Variants in DNAAF11 observed in about 807,000 individuals in gnomAD.
The protein encoded by DNAAF11 is dynein axonemal assembly factor 11, also known as leucine rich repeat containing 6.
DNAAF11 carries 45 observed loss-of-function variants against 60.8 expected under a neutral mutation model. The observed-to-expected ratio is 0.74, with a 90% CI of 0.58 to 0.95. The LOEUF is 0.95. Among genes scored for constraint, DNAAF11 ranks in the 40% least tolerant of loss-of-function variants. The pLI, the probability that DNAAF11 is intolerant of heterozygous loss-of-function variation, is 0.00. For synonymous variants in DNAAF11, 191 were observed against 183.5 expected (o/e 1.04, Z -0.33); for missense variants, 546 against 546.2 (o/e 1.00, Z 0.00).
chr8:132,604,977 TAATA>T (rs1817993959), intron 10 of DNAAF11, among the ~76,000 whole-genome samples: 2 of 152,114 alleles, frequency 1.3e-5, no homozygotes, highest in East Asian at 3.8e-4. Flanking sequence ...AATGCAATCT[TAATA>T]ATTATAAAAT....
chr8:132,650,578 T>C (rs1822904843), intron 3 of DNAAF11, among the ~76,000 whole-genome samples: 1 of 152,214 alleles, frequency 6.6e-6, no homozygotes, highest in Non-Finnish European at 1.5e-5. Flanking sequence ...TGTTAAATTA[T>C]AAAAATGTAG....
At chr8:132,692,625 A>G in the DNAAF11 span, among the ~76,000 whole-genome samples, 11 of 152,172 alleles carry the variant, frequency 7.2e-5, no homozygotes, top group Non-Finnish European at 1.0e-4. Context: ...GGCAGCCAAA[A>G]TCCAGCTCTG....
At chr8:132,688,103 G>A in the DNAAF11 span, among the ~76,000 whole-genome samples, 14 of 152,026 alleles carry the variant, frequency 9.2e-5, no homozygotes, top group Admixed American at 2.6e-4. Context: ...CAAATGCTGC[G>A]ATAACAGCAT....
intron 10 of DNAAF11, among the ~76,000 whole-genome samples, chr8:132,587,616 G>A (rs1222183072): frequency 6.6e-6 from 1 of 152,122 alleles, no homozygotes; most frequent in Non-Finnish European, 1.5e-5. Context: ...ATTCATTTGT[G>A]CTAAATGTGT....
chr8:132,604,660 A>T (rs2129814415), intron 10 of DNAAF11, among the ~76,000 whole-genome samples: 1 of 152,298 alleles, frequency 6.6e-6, no homozygotes, highest in South Asian at 2.1e-4. Flanking sequence ...CCGGATGATG[A>T]TGAAAAGATT....
upstream of DNAAF11, among the ~76,000 whole-genome samples, chr8:132,678,771 T>C (rs1563732123): frequency 6.9e-6 from 1 of 145,238 alleles, no homozygotes; most frequent in South Asian, 2.1e-4. Flanking sequence ...TTATAATTTA[T>C]TAATATTTAT....
chr8:132,653,589 CA>C (rs1254089086), intron 3 of DNAAF11, among the ~76,000 whole-genome samples: 2 of 151,944 alleles, frequency 1.3e-5, no homozygotes, highest in African/African-American at 4.8e-5. Flanking sequence ...CAAATAGGCA[CA>C]TATTATATAA....
At chr8:132,676,420 T>C (rs1424808328), upstream of DNAAF11, among the ~76,000 whole-genome samples, 3 of 152,208 alleles carry the variant, frequency 2.0e-5, no homozygotes. Context: ...TATTATTCTT[T>C]ACTCCATTTG....
intron 3 of DNAAF11, among the ~76,000 whole-genome samples, chr8:132,648,583 G>T (rs1822648635): frequency 6.6e-6 from 1 of 152,200 alleles, no homozygotes; most frequent in African/African-American, 2.4e-5. Flanking sequence ...CCTGTGTGCA[G>T]ATGACATGAT....
intron 7 of DNAAF11, among the ~76,000 whole-genome samples, chr8:132,621,558 C>T (rs559763177): frequency 4.6e-5 from 7 of 152,150 alleles, no homozygotes; most frequent in African/African-American, 7.2e-5. Context: ...CATGGAGTTC[C>T]GAGAGTCTCC....
At chr8:132,604,801 A>T (rs556464096) in intron 10 of DNAAF11, among the ~76,000 whole-genome samples, 2 of 152,308 alleles carry the variant, frequency 1.3e-5, no homozygotes, top group East Asian at 3.9e-4. Flanking sequence ...TATAATATCT[A>T]TAAATAAACT....
At chr8:132,580,211 T>C (rs1815184504) in intron 11 of DNAAF11, among the ~76,000 whole-genome samples, 1 of 152,200 alleles carries the variant, frequency 6.6e-6, no homozygotes. Flanking sequence ...CCCTCTGGAC[T>C]TAGCAGAACA....
rs1814183716 is a variant in DNAAF11 at position 132,571,511 on chromosome 8, A to G, written c.*795T>C. Among the ~76,000 whole-genome samples the G allele has an allele frequency of 6.6e-6, 1 of 152,028 alleles. No individual in the cohort carries two copies. Among genetic ancestry groups the G allele is most frequent in the African/African-American group, 2.4e-5 (1 of 41,404 alleles). ...ATGGGGAGTAAAAAGGTGAAGAAAA[A>G]GAATAAGGGGAGAAAAGTAATTGGG... On this transcript the variant is annotated 3_prime_UTR_variant, in exon 12 of 12. Coordinates refer to ENST00000620350, the MANE Select transcript of DNAAF11 (RefSeq NM_012472.6).
rs1375672352 is a variant in DNAAF11, at chr8:132,581,883, G to A, written c.1226+1811C>T. ...GAGTCAGCACTCAATAAATCCCTTC[G>A]TTTGGAGGAATTTGTGCTTCTTCCT... On this transcript the variant is annotated intron_variant, in intron 11 of 11. Coordinates refer to ENST00000620350, the MANE Select transcript of DNAAF11 (RefSeq NM_012472.6). Among the ~76,000 whole-genome samples, 5 of 152,084 alleles carry A rather than the reference G, an allele frequency of 3.3e-5. No individual in the cohort carries two copies. In the South Asian group the frequency reaches 6.2e-4, roughly 19 times the overall value.
intron 1 of DNAAF11, among the ~76,000 whole-genome samples, chr8:132,670,195 A>G (rs532902241): frequency 6.6e-6 from 1 of 152,222 alleles, no homozygotes; most frequent in African/African-American, 2.4e-5. Context: ...AAAAATAGAG[A>G]AAAATTAATA....
At chr8:132,586,812 T>C (rs1383457730) in intron 10 of DNAAF11, among the ~76,000 whole-genome samples, 1 of 152,100 alleles carries the variant, frequency 6.6e-6, no homozygotes, top group Non-Finnish European at 1.5e-5. Context: ...CTTCTCCCTT[T>C]CCCCTCTCTT....
rs1814080917 is a variant in DNAAF11, at chr8:132,570,521, T to C, written c.*1785A>G. Among the ~76,000 whole-genome samples, 1 of 152,238 alleles carries C rather than the reference T, an allele frequency of 6.6e-6. No individual in the cohort carries two copies. The highest frequency in any genetic ancestry group is 2.4e-5 in the African/African-American group (1 of 41,458). Reference sequence around the variant, plus strand: ...TAAATACAGTCCTGACAAATGTACATGATTTCCAAGTTGGTAGAGGTTGAG... The same window carrying C: ...TAAATACAGTCCTGACAAATGTACACGATTTCCAAGTTGGTAGAGGTTGAG... On this transcript the variant is annotated 3_prime_UTR_variant, in exon 12 of 12. Transcript: ENST00000620350.
In DNAAF11 at chr8:132,583,761, C is replaced by G. The variant is rs763991285; in HGVS notation, c.1159G>C (p.Gly387Arg). The part of the protein sequence containing the change: ...CMPKVGEVIT[G>R]GQRAFKSMKT... ...ATAGATTTGAATGCTCGCTGACCAC[C>G]TGTGATTACTTCTCCTACCTAAAAT... Residue 387 changes from glycine (G) to arginine (R), a missense_variant, in exon 11 of 12, where the codon GGT (glycine) becomes CGT (arginine). Transcript: ENST00000620350. 2.2e-5 allele frequency: 36 copies of G among 1,613,180 alleles called. No homozygotes were observed. The highest frequency in any genetic ancestry group is 2.8e-5 in the Non-Finnish European group (33 of 1,179,342).
the DNAAF11 span, among the ~76,000 whole-genome samples, chr8:132,681,692 G>A: frequency 1.3e-5 from 2 of 152,154 alleles, no homozygotes; most frequent in African/African-American, 4.8e-5. Flanking sequence ...AGTGGAAGTA[G>A]AAAAGCATGT....
Sources: allele counts gnomAD v4.1 joint callset (sites outside exome capture counted in the v4.1 genomes callset), GRCh38; gene constraint gnomAD v4.1.1; transcripts MANE v1.5; gene names NCBI Gene and HGNC (gene_info 2026-07-23, HGNC 2026-07-21).